DNER: variants seen among roughly 807,000 people sequenced by gnomAD.
The protein encoded by DNER is delta/notch like EGF repeat containing, also known as delta and Notch-like epidermal growth factor-related receptor.
A neutral mutation model predicts 78.2 loss-of-function variants in DNER; 33 were observed. That is an observed-to-expected ratio of 0.42 (90% CI 0.32 to 0.56). The LOEUF (loss-of-function observed/expected upper bound fraction) is 0.56. DNER is among the 20% of genes least tolerant of loss of function. The pLI is 0.11. For synonymous variants in DNER, 417 were observed against 384.8 expected (o/e 1.08, Z -0.98); for missense variants, 918 against 975.3 (o/e 0.94, Z 0.78).
At chr2:229,617,935 A>T (rs181864725) in intron 1 of DNER, among the ~76,000 whole-genome samples, 5 of 152,308 alleles carry the variant, frequency 3.3e-5, no homozygotes, top group African/African-American at 1.2e-4. Flanking sequence ...TTGCACTCCA[A>T]TCTGGGCGAC....
chr2:229,396,406 CT>C (rs1693143442), intron 10 of DNER, among the ~76,000 whole-genome samples: 1 of 152,060 alleles, frequency 6.6e-6, no homozygotes, highest in Admixed American at 6.6e-5. Context: ...GTAATATCAC[CT>C]AGTTTAGAGG....
chr2:229,708,150 T>C (rs534164441), intron 1 of DNER, among the ~76,000 whole-genome samples: 1 of 152,362 alleles, frequency 6.6e-6, no homozygotes, highest in African/African-American at 2.4e-5. Context: ...TGAGCCTGGC[T>C]GCCCTTCAGG....
Position 229,389,363 on chromosome 2 carries a change from C to T in DNER, c.1724-967G>A, listed in dbSNP as rs138076623. Among the ~76,000 whole-genome samples, 29 of 151,828 alleles carry T rather than the reference C, an allele frequency of 1.9e-4. No homozygotes were observed. In the East Asian group the frequency reaches 4.3e-3, roughly 22 times the overall value. Reference sequence around the variant, plus strand: ...ATTAAGAGTCATTACAAAACGCATACACCTCTTAAATTTAAAGGCATCTCA... The same window carrying T: ...ATTAAGAGTCATTACAAAACGCATATACCTCTTAAATTTAAAGGCATCTCA... On this transcript the variant is annotated intron_variant, in intron 10 of 12. Transcript: ENST00000341772.
chr2:229,502,618 C>T (rs568420951), intron 6 of DNER, among the ~76,000 whole-genome samples: 47 of 152,166 alleles, frequency 3.1e-4, no homozygotes, highest in African/African-American at 1.1e-3. Context: ...TGAAAATGCT[C>T]GGAGTGCCAT....
chr2:229,415,846 G>C (rs535591513), intron 9 of DNER, among the ~76,000 whole-genome samples: 1 of 152,294 alleles, frequency 6.6e-6, no homozygotes, highest in Non-Finnish European at 1.5e-5. Context: ...TCATGATAGA[G>C]AGGGGCAGTA....
chr2:229,515,550 T>C (rs1435427239), intron 5 of DNER, among the ~76,000 whole-genome samples: 1 of 152,192 alleles, frequency 6.6e-6, no homozygotes, highest in African/African-American at 2.4e-5. Context: ...ATTTAGCATG[T>C]AATTCATCTA....
At chr2:229,659,377 C>T (rs1342106110) in intron 1 of DNER, among the ~76,000 whole-genome samples, 2 of 152,178 alleles carry the variant, frequency 1.3e-5, no homozygotes, top group Admixed American at 6.6e-5. Flanking sequence ...AAGTCCCCAA[C>T]TCTGCATATT....
chr2:229,445,747 G>A (rs1694327736), intron 8 of DNER, among the ~76,000 whole-genome samples: 1 of 141,462 alleles, frequency 7.1e-6, no homozygotes, highest in Admixed American at 7.3e-5. Context: ...AATTGCATGA[G>A]CCAGTTACTT....
rs76112068 is a variant in DNER, at chr2:229,591,157, A to G, written c.585+423T>C. On this transcript the variant is annotated intron_variant, in intron 2 of 12. Coordinates refer to ENST00000341772, the MANE Select transcript of DNER (RefSeq NM_139072.4). This position sits in a 1 kb window ranked among gnomAD's most constrained non-coding sequence, Gnocchi z 4.6. ...TCATGTATTTCTTCATAACCACTCA[A>G]GAATGGACCAATACTGTGTGTTGGT... is the stretch of plus-strand genomic sequence containing the variant. 0.016 allele frequency among the ~76,000 whole-genome samples: 2,391 copies of G among 152,316 alleles called. 64 individuals are homozygous for G. The highest frequency in any genetic ancestry group is 0.055 in the African/African-American group (2,294 of 41,564).
At chr2:229,698,560 T>C (rs537281493) in intron 1 of DNER, among the ~76,000 whole-genome samples, 2 of 152,278 alleles carry the variant, frequency 1.3e-5, no homozygotes, top group South Asian at 4.1e-4. Flanking sequence ...TTGTGATTTT[T>C]AAAAAGGTGT....
chr2:229,363,303 G>A lies in DNER; in HGVS notation c.2102+3570C>T, dbSNP rs149094760. Among the ~76,000 whole-genome samples the A allele has an allele frequency of 2.2e-3, 328 of 152,378 alleles. 2 individuals carry two copies. Among genetic ancestry groups the A allele is most frequent in the African/African-American group, 7.6e-3 (314 of 41,584 alleles). ...ATGTGCCCTGTGTGGCTGCTGGGCT[G>A]CAGTCATTCTGATCCAATGTCACCT... On this transcript the variant is annotated intron_variant, in intron 12 of 12. Transcript: ENST00000341772.
chr2:229,565,649 A>G (rs1482470249), intron 4 of DNER, among the ~76,000 whole-genome samples: 1 of 152,218 alleles, frequency 6.6e-6, no homozygotes, highest in African/African-American at 2.4e-5. Flanking sequence ...AAATCTCCCA[A>G]TGTGCCTATT....
At chr2:229,535,185 T>A (rs1696378603) in intron 5 of DNER, among the ~76,000 whole-genome samples, 1 of 152,198 alleles carries the variant, frequency 6.6e-6, no homozygotes, top group Non-Finnish European at 1.5e-5. Context: ...TATCAATAGA[T>A]ATAACCCAAT....
intron 1 of DNER, among the ~76,000 whole-genome samples, chr2:229,605,483 A>G (rs1697916993): frequency 6.6e-6 from 1 of 152,208 alleles, no homozygotes; most frequent in Admixed American, 6.5e-5. Context: ...AGCATTTCCA[A>G]TTAAGGCATA....
At chr2:229,588,554 G>A in intron 2 of DNER, 66 bp from the exon 3 acceptor site, 1 of 1,409,698 alleles carries the variant, frequency 7.1e-7, no homozygotes, top group Non-Finnish European at 9.9e-7. Flanking sequence ...ATGTGATAAA[G>A]CAAAATTCCA....
At chr2:229,535,281 T>C (rs1696380025) in intron 5 of DNER, among the ~76,000 whole-genome samples, 1 of 152,170 alleles carries the variant, frequency 6.6e-6, no homozygotes, top group African/African-American at 2.4e-5. Context: ...CAAGGCTAGG[T>C]GAAGCCAAAC....
chr2:229,490,121 C>A (rs927872233), intron 6 of DNER, among the ~76,000 whole-genome samples: 2 of 152,046 alleles, frequency 1.3e-5, no homozygotes, highest in Admixed American at 6.6e-5. Context: ...TGCTTGTTTG[C>A]AGGACTGGTT....
intron 1 of DNER, among the ~76,000 whole-genome samples, chr2:229,597,064 A>C (rs939691748): frequency 7.1e-6 from 1 of 141,670 alleles, no homozygotes; most frequent in Non-Finnish European, 1.6e-5. Flanking sequence ...CGCACACACA[A>C]ATGAACACAA....
chr2:229,407,378 T>G, intron 9 of DNER, 33 bp from the exon 10 acceptor site: 1 of 1,589,052 alleles, frequency 6.3e-7, no homozygotes, highest in Non-Finnish European at 8.6e-7. Flanking sequence ...GGATGACTCA[T>G]CCAGGACTCT....
Sources: gnomAD v4.1 joint callset for allele counts (sites outside exome capture counted in the v4.1 genomes callset) on GRCh38, gnomAD v4.1.1 for gene constraint, Gnocchi (gnomAD v3.1) non-coding constraint, MANE v1.5 for transcripts, NCBI Gene and HGNC (gene_info 2026-07-23, HGNC 2026-07-21) for gene names.